The following ABCA12 variants were observed in gnomAD, a reference collection of about 807,000 sequenced individuals.
The protein encoded by ABCA12 is glucosylceramide transporter ABCA12.
A neutral mutation model predicts 293.5 loss-of-function variants in ABCA12; 156 were observed. That is an observed-to-expected ratio of 0.53 (90% confidence interval 0.47 to 0.61). ABCA12 has a LOEUF of 0.61. Ranked by LOEUF, ABCA12 falls within the 20% of genes least tolerant of loss-of-function variation. The pLI is 0.00. For missense variants in ABCA12, 2,797 were observed against 3,090.2 expected (o/e 0.91, Z 2.25); for synonymous variants, 1,063 against 1,108.0 (o/e 0.96, Z 0.81).
intron 44 of ABCA12, among the ~76,000 whole-genome samples, chr2:214,952,555 A>G (rs1224654493): frequency 1.3e-5 from 2 of 152,094 alleles, no homozygotes; most frequent in African/African-American, 4.8e-5. Context: ...GCCTAGTCCT[A>G]TAGGCTTTTA....
Position 214,955,282 on chromosome 2 carries a change from C to A in ABCA12, c.6313G>T (p.Val2105Phe). 1 of 1,614,108 alleles carries A rather than the reference C, an allele frequency of 6.2e-7. No homozygotes were observed. The highest frequency in any genetic ancestry group is 8.5e-7 in the Non-Finnish European group (1 of 1,179,986). The change falls in exon 43 of 53, where the codon GTC becomes TTC. Residue 2105 changes from valine (V) to phenylalanine (F), a missense_variant. By Grantham distance (50) the Val-to-Phe change is conservative. Around this residue, in one of 3 missense-constraint regions of ABCA12, gnomAD observed 2,130 missense variants for 2,427.0 expected, o/e 0.88. Coordinates refer to ENST00000272895, the MANE Select transcript of ABCA12 (RefSeq NM_173076.3). ...TGMAFITYVC[V>F]NLFFGINSIV... ...GAATTAATGCCAAAAAACAAGTTGACACAGACGTAAGTGATGAAGGCCATT... is the reference window on the plus strand; with the variant it reads ...GAATTAATGCCAAAAAACAAGTTGAAACAGACGTAAGTGATGAAGGCCATT...
intron 50 of ABCA12, among the ~76,000 whole-genome samples, chr2:214,941,453 T>A (rs1035159502): frequency 1.3e-5 from 2 of 152,218 alleles, no homozygotes. Flanking sequence ...GTTCTATAGA[T>A]GTCTATTAGG....
chr2:214,949,983 C>A (rs1450588204), intron 45 of ABCA12, among the ~76,000 whole-genome samples: 7 of 152,118 alleles, frequency 4.6e-5, no homozygotes, highest in Non-Finnish European at 1.0e-4. Flanking sequence ...AGTCAGCCCT[C>A]CTTATCCGAG....
rs910493903 is a variant in ABCA12 at position 215,070,464 on chromosome 2, T to C, written c.164-6245A>G. ...TTACATATGTATACATGTGCCATGC[T>C]GGTGTGCTGCACCCATTAACTCGTC... On this transcript the variant is annotated intron_variant, in intron 2 of 52. Transcript: ENST00000272895. Among the ~76,000 whole-genome samples the C allele has an allele frequency of 6.8e-4, 103 of 152,102 alleles. 1 individual carries two copies. Among genetic ancestry groups the C allele is most frequent in the African/African-American group, 2.4e-3 (101 of 41,498 alleles).
intron 19 of ABCA12, 29 bp downstream of exon 19, chr2:215,007,698 C>G: frequency 6.2e-7 from 1 of 1,613,452 alleles, no homozygotes; most frequent in Non-Finnish European, 8.5e-7. Flanking sequence ...CAAATTCCTA[C>G]TAAGTTGAAT....
chr2:215,061,399 C>T lies in ABCA12; in HGVS notation c.317+2667G>A, dbSNP rs1360396600. On this transcript the variant is annotated intron_variant, in intron 3 of 52. Transcript: ENST00000272895. ...CAGAAGAGCATTCTATTAAAAGAAA[C>T]ATGGCAGGCCTCTTTTGGTGAGACC... Among the ~76,000 whole-genome samples, 4 of 152,130 alleles carry T rather than the reference C, an allele frequency of 2.6e-5. 1 individual carries two copies. Among genetic ancestry groups the T allele is most frequent in the Admixed American group, 2.6e-4 (4 of 15,262 alleles).
chr2:215,114,038 A>ATG (rs1187161530), intron 1 of ABCA12, among the ~76,000 whole-genome samples: 7 of 152,070 alleles, frequency 4.6e-5, no homozygotes, highest in African/African-American at 1.7e-4. Context: ...GCAGTGGTGC[A>ATG]ACCTCGGCTC....
At chr2:215,013,762 G>A (rs563152990) in intron 15 of ABCA12, among the ~76,000 whole-genome samples, 1 of 152,298 alleles carries the variant, frequency 6.6e-6, no homozygotes, top group Admixed American at 6.5e-5. Context: ...ATAACCATTG[G>A]CTGAGTTAAT....
At chr2:215,070,977 C>T (rs1043310133) in intron 2 of ABCA12, among the ~76,000 whole-genome samples, 14 of 151,868 alleles carry the variant, frequency 9.2e-5, no homozygotes, top group Admixed American at 2.0e-4. Flanking sequence ...CCCAGCAGTT[C>T]GAGACAAAGC....
intron 1 of ABCA12, among the ~76,000 whole-genome samples, chr2:215,132,103 C>T (rs1361263797): frequency 1.3e-5 from 2 of 152,010 alleles, no homozygotes; most frequent in Non-Finnish European, 2.9e-5. Context: ...CAAGAAGCTA[C>T]TTGATATGAT....
At chr2:215,047,974 G>GA (rs755752019) in intron 6 of ABCA12, among the ~76,000 whole-genome samples, 5,341 of 136,080 alleles carry the variant, frequency 0.039, 223 homozygotes, top group Admixed American at 0.15. Flanking sequence ...AAATTTACAA[G>GA]AAAAAAAAAA....
chr2:215,040,652 T>A (rs994288212), intron 7 of ABCA12, among the ~76,000 whole-genome samples: 3 of 151,752 alleles, frequency 2.0e-5, no homozygotes, highest in African/African-American at 7.3e-5. Context: ...CTACCAAAAA[T>A]ACGAAAAAAA....
chr2:215,001,798 G>C (rs1315343702), intron 20 of ABCA12, 61 bp from the exon 21 acceptor site: 1 of 1,425,288 alleles, frequency 7.0e-7, no homozygotes, highest in Non-Finnish European at 9.7e-7. Context: ...GTCGTAATTA[G>C]ATGAAATACT....
At chr2:214,942,283 C>CT (rs1031656167) in intron 50 of ABCA12, among the ~76,000 whole-genome samples, 15 of 152,096 alleles carry the variant, frequency 9.9e-5, no homozygotes, top group Admixed American at 3.3e-4. Flanking sequence ...CTCTTTCATC[C>CT]TTTTTTCCTT....
At chr2:215,004,835 T>C (rs1199270606) in intron 19 of ABCA12, 1 of 153,936 alleles carries the variant, frequency 6.5e-6, no homozygotes, top group Non-Finnish European at 1.4e-5. Context: ...CACATCAGAA[T>C]AGTCCATTTC....
At chr2:215,056,811 G>A (rs2106064169) in intron 3 of ABCA12, among the ~76,000 whole-genome samples, 1 of 152,166 alleles carries the variant, frequency 6.6e-6, no homozygotes, top group East Asian at 1.9e-4. Context: ...ATTACTTAAA[G>A]AGGGCAAGAA....
intron 3 of ABCA12, among the ~76,000 whole-genome samples, chr2:215,061,332 C>T (rs529533745): frequency 3.7e-4 from 57 of 152,048 alleles, no homozygotes; most frequent in African/African-American, 9.4e-4. Context: ...AAACACTTGG[C>T]GACTGGCCAA....
chr2:215,131,965 T>A (rs890402081), intron 1 of ABCA12, among the ~76,000 whole-genome samples: 5 of 152,006 alleles, frequency 3.3e-5, no homozygotes, highest in Non-Finnish European at 5.9e-5. Context: ...TGCATTTTTT[T>A]AATTTCTGCC....
rs1041407432 is a variant in ABCA12, at chr2:215,000,314, G to A, written c.3179+391C>T. Among the ~76,000 whole-genome samples, 7 of 152,050 alleles carry A rather than the reference G, an allele frequency of 4.6e-5. No homozygotes were observed. In the East Asian group the frequency reaches 7.7e-4, roughly 17 times the overall value. ...CATGCGCTCAGATTTTTTAAAATCC[G>A]ATTTGGGAGTTGGAAGGGATTTTAA... is the stretch of plus-strand genomic sequence containing the variant. On this transcript the variant is annotated intron_variant, in intron 22 of 52. Coordinates refer to ENST00000272895, the MANE Select transcript of ABCA12 (RefSeq NM_173076.3).
Sources: gnomAD v4.1 joint callset for allele counts (sites outside exome capture counted in the v4.1 genomes callset) on GRCh38, gnomAD v4.1.1 for gene constraint, gnomAD v4.1.1 regional missense constraint, MANE v1.5 for transcripts, NCBI Gene and HGNC (gene_info 2026-07-23, HGNC 2026-07-21) for gene names.